The following BPTF variants were observed in gnomAD, a reference collection of about 807,000 sequenced individuals.
The protein encoded by BPTF is bromodomain PHD finger transcription factor.
In BPTF, 18 loss-of-function variants were observed where a neutral mutation model predicts 292.5. The observed-to-expected ratio is 0.06, with a 90% confidence interval of 0.04 to 0.09. The LOEUF is 0.09. BPTF is among the 10% of genes least tolerant of loss of function. The probability of loss-of-function intolerance (pLI) is 1.00; values close to 1 mark genes in which losing one functional copy is unlikely to be tolerated. For synonymous variants in BPTF, 1,225 were observed against 1,251.9 expected (o/e 0.98, Z 0.45); for missense variants, 2,726 against 3,498.7 (o/e 0.78, Z 5.57).
rs868942971 is a variant in BPTF at position 67,982,017 on chromosome 17, A to C, written c.8727-235A>C. The C allele has an allele frequency of 5.6e-4, 60 of 107,068 alleles. No individual in the cohort carries two copies. The East Asian group carries it at 7.7e-3, about 14-fold the overall frequency. The allele number at this position is 107,068 out of a possible 1,614,324, so 6.6% of individuals were successfully genotyped here. A position where few individuals can be genotyped will look rare whatever the true frequency, so the allele number is the denominator to read the frequency against. ...TATATATATATATATATATATATAT[A>C]TATATATTTAAATATTGGCTTTTTC... On this transcript the variant is annotated intron_variant, in intron 27 of 27. Coordinates refer to ENST00000306378, the MANE Select transcript of BPTF (RefSeq NM_182641.4).
chr17:67,827,943 T>G (rs1004294297), intron 1 of BPTF, among the ~76,000 whole-genome samples: 59 of 150,974 alleles, frequency 3.9e-4, no homozygotes, highest in Non-Finnish European at 8.0e-4. Flanking sequence ...TTTTTTTTTT[T>G]TTTTTTGAGA....
chr17:67,951,070 A>G (rs1337312979), intron 23 of BPTF: 1 of 152,054 alleles, frequency 6.6e-6, no homozygotes, highest in African/African-American at 2.4e-5. Flanking sequence ...TAGTCTCCCA[A>G]AGTCCTGGGA....
rs201207814 is a variant in BPTF, at chr17:67,911,086, A to G, written c.3202A>G (p.Ile1068Val). 323 of 1,614,032 alleles carry G rather than the reference A, an allele frequency of 2.0e-4. No individual in the cohort carries two copies. Among genetic ancestry groups the G allele is most frequent in the Non-Finnish European group, 2.5e-4 (300 of 1,179,994 alleles). Reference protein sequence around the residue: ...SKLDGLLERRIKQFTLEEKQR... With the variant: ...SKLDGLLERRVKQFTLEEKQR... ...ACTAGATGGACTTCTTGAAAGGAGA[A>G]TTAAACAGTTTACACTGGAAGAAAA... The change falls in exon 11 of 28, where the codon ATT (isoleucine) becomes GTT (valine). Residue 1068 changes from isoleucine (I) to valine (V), a missense_variant. By Grantham distance (29) the Ile-to-Val change is conservative. This residue lies in a region of BPTF where 713 missense variants were observed against 714.9 expected (regional missense o/e 1.00). Transcript: ENST00000306378.
chr17:67,869,297 A>T (rs2059568627), intron 3 of BPTF, among the ~76,000 whole-genome samples: 1 of 152,208 alleles, frequency 6.6e-6, no homozygotes, highest in African/African-American at 2.4e-5. Context: ...AAACAAAAAA[A>T]TATTTTCTGT....
chr17:67,938,845 G>A (rs929407225), intron 18 of BPTF, among the ~76,000 whole-genome samples: 4 of 152,200 alleles, frequency 2.6e-5, no homozygotes, highest in Admixed American at 2.6e-4. Flanking sequence ...TATTAAATAA[G>A]TAGGAAAAGA....
chr17:67,969,452 CAAAAAAA>C (rs11360473), intron 26 of BPTF, among the ~76,000 whole-genome samples: 1 of 47,972 alleles, frequency 2.1e-5, no homozygotes, highest in African/African-American at 8.4e-5. Flanking sequence ...ACTCTGTCTC[CAAAAAAA>C]AAAAAAAAAA....
intron 7 of BPTF, among the ~76,000 whole-genome samples, chr17:67,900,433 T>C (rs2061753307): frequency 6.6e-6 from 1 of 151,960 alleles, no homozygotes; most frequent in African/African-American, 2.4e-5. Flanking sequence ...TCAAGGCCTG[T>C]GTAAAGCAAT....
chr17:67,957,919 A>G (rs1281155946), intron 23 of BPTF, among the ~76,000 whole-genome samples: 2 of 152,242 alleles, frequency 1.3e-5, no homozygotes, highest in African/African-American at 4.8e-5. Flanking sequence ...TGTGGATGCC[A>G]ATCACAATGG....
At chr17:67,897,951 G>A (rs1011860174) in intron 7 of BPTF, among the ~76,000 whole-genome samples, 28 of 152,062 alleles carry the variant, frequency 1.8e-4, no homozygotes, top group African/African-American at 6.5e-4. Flanking sequence ...TAAGAAATCT[G>A]AAAATATTGG....
At chr17:67,852,973 T>TA (rs1454947425) in intron 1 of BPTF, among the ~76,000 whole-genome samples, 2 of 151,994 alleles carry the variant, frequency 1.3e-5, no homozygotes, top group African/African-American at 2.4e-5. Flanking sequence ...CCATCTCTAC[T>TA]AAAAAATACA....
At chr17:67,948,916 A>G (rs2066016717) in intron 23 of BPTF, among the ~76,000 whole-genome samples, 1 of 152,136 alleles carries the variant, frequency 6.6e-6, no homozygotes, top group African/African-American at 2.4e-5. Flanking sequence ...GGCAGGTTGA[A>G]GCTGCAGTCA....
chr17:67,863,571 A>G (rs1187280944), intron 2 of BPTF, among the ~76,000 whole-genome samples: 1 of 152,210 alleles, frequency 6.6e-6, no homozygotes, highest in Non-Finnish European at 1.5e-5. Context: ...GGCGTGAGCC[A>G]CCACGCCCGG....
At chr17:67,915,188 T>A (rs1354672959) in intron 11 of BPTF, among the ~76,000 whole-genome samples, 1 of 152,166 alleles carries the variant, frequency 6.6e-6, no homozygotes, top group Non-Finnish European at 1.5e-5. Context: ...CAATAGGGCC[T>A]CTTTTTCCCT....
intron 11 of BPTF, among the ~76,000 whole-genome samples, chr17:67,916,581 A>C (rs2063006491): frequency 6.6e-6 from 1 of 151,094 alleles, no homozygotes; most frequent in East Asian, 1.9e-4. Context: ...CAAGAGCAAA[A>C]CTCCGTCTCA....
At chr17:67,902,511 C>G (rs901841702) in intron 7 of BPTF, among the ~76,000 whole-genome samples, 2 of 152,170 alleles carry the variant, frequency 1.3e-5, no homozygotes, top group African/African-American at 4.8e-5. Context: ...AGTACATTAG[C>G]TCCCAGTGAG....
chr17:67,921,597 AAGTT>A (rs2063444827), intron 13 of BPTF, among the ~76,000 whole-genome samples: 1 of 152,176 alleles, frequency 6.6e-6, no homozygotes, highest in African/African-American at 2.4e-5. Flanking sequence ...GTTTTTATAA[AAGTT>A]AGTTCTCCCC....
intron 9 of BPTF, among the ~76,000 whole-genome samples, chr17:67,905,119 A>AGGCCAGGC (rs1568025311): frequency 6.6e-6 from 1 of 152,092 alleles, no homozygotes; most frequent in Non-Finnish European, 1.5e-5. Flanking sequence ...TCTTAAATTT[A>AGGCCAGGC]GGCCAGGCAG....
chr17:67,941,796 C>G (rs1363337688), intron 19 of BPTF, among the ~76,000 whole-genome samples: 1 of 152,088 alleles, frequency 6.6e-6, no homozygotes, highest in Non-Finnish European at 1.5e-5. Context: ...CATAGCTTTC[C>G]TAAACAGATA....
At chr17:67,948,021 T>C (rs2065943004) in intron 22 of BPTF, 60 bp from the exon 23 acceptor site, 1 of 1,493,822 alleles carries the variant, frequency 6.7e-7, no homozygotes, top group Non-Finnish European at 9.2e-7. Flanking sequence ...AGAAGAATGA[T>C]GTCTTAAGCC....
Sources: gnomAD v4.1 joint callset for allele counts (sites outside exome capture counted in the v4.1 genomes callset) on GRCh38, gnomAD v4.1.1 for gene constraint, gnomAD v4.1.1 regional missense constraint, MANE v1.5 for transcripts, NCBI Gene and HGNC (gene_info 2026-07-23, HGNC 2026-07-21) for gene names.